The following CADPS2 variants were observed in gnomAD, a reference collection of about 807,000 sequenced individuals.
CADPS2 encodes the protein calcium dependent secretion activator 2.
CADPS2 carries 93 observed loss-of-function variants against 172.5 expected under a neutral mutation model. That is an observed-to-expected ratio of 0.54 (90% CI 0.46 to 0.64). CADPS2 has a LOEUF of 0.64. Among genes scored for constraint, CADPS2 ranks in the 30% least tolerant of loss-of-function variants. CADPS2 has a pLI of 0.00. For synonymous variants in CADPS2, 546 were observed against 555.2 expected, an observed-to-expected ratio of 0.98 and a Z score of 0.23; for missense variants, 1,420 against 1,565.9, an observed-to-expected ratio of 0.91 and a Z score of 1.57.
chr7:122,650,234 A>T (rs1588131374), intron 3 of CADPS2, among the ~76,000 whole-genome samples: 1 of 151,798 alleles, frequency 6.6e-6, no homozygotes, highest in Non-Finnish European at 1.5e-5. Flanking sequence ...AATAAATAAA[A>T]GAAAAAATAT....
intron 8 of CADPS2, among the ~76,000 whole-genome samples, chr7:122,527,627 T>A (rs929651525): frequency 0.069 from 7,766 of 112,808 alleles, 212 homozygotes; most frequent in African/African-American, 0.087. Flanking sequence ...AGTGTGTGTG[T>A]GTGTGTGTGT....
chr7:122,460,400 G>C (rs1324039927), intron 14 of CADPS2, among the ~76,000 whole-genome samples: 1 of 151,894 alleles, frequency 6.6e-6, no homozygotes, highest in African/African-American at 2.4e-5. Flanking sequence ...CTGAGCCATA[G>C]ACCTAATTTG....
chr7:122,495,925 G>T lies in CADPS2; in HGVS notation c.1543-4505C>A, dbSNP rs112705643. ...AATAGGACTAAGAATATTCTCTTCTGTTTATTAGTCACTTGGGGGTTTTGT... is the reference window on the plus strand; with the variant it reads ...AATAGGACTAAGAATATTCTCTTCTTTTTATTAGTCACTTGGGGGTTTTGT... On this transcript the variant is annotated intron_variant, in intron 9 of 29. Transcript: ENST00000449022. 6.5e-3 allele frequency among the ~76,000 whole-genome samples: 985 copies of T among 152,144 alleles called. 9 individuals carry two copies. The highest frequency in any genetic ancestry group is 0.027 in the Middle Eastern group (8 of 294).
chr7:122,827,632 C>A (rs201602983), intron 1 of CADPS2, among the ~76,000 whole-genome samples: 36 of 137,198 alleles, frequency 2.6e-4, no homozygotes, highest in Admixed American at 4.5e-4. Flanking sequence ...AATTCCATCT[C>A]AAAAAAAAAA....
chr7:122,342,336 T>A lies in CADPS2; in HGVS notation c.3612+3238A>T, dbSNP rs150884107. Among the ~76,000 whole-genome samples, 188 of 152,284 alleles carry A rather than the reference T, an allele frequency of 1.2e-3. 2 individuals carry two copies. The highest frequency in any genetic ancestry group is 4.3e-3 in the African/African-American group (180 of 41,580). On this transcript the variant is annotated intron_variant, in intron 28 of 29. Coordinates refer to ENST00000449022, the MANE Select transcript of CADPS2 (RefSeq NM_017954.11). ...CACGAATCTAGGCCAATGTCATGTT[T>A]TTGGTCTTAAGCAATAGCAGCTTAT...
chr7:122,449,356 TC>T (rs2052738112), intron 15 of CADPS2, among the ~76,000 whole-genome samples: 1 of 152,110 alleles, frequency 6.6e-6, no homozygotes, highest in South Asian at 2.1e-4. Flanking sequence ...AGTGTTGTCA[TC>T]CAAGCTGGAG....
At chr7:122,604,860 T>C (rs910528745) in intron 6 of CADPS2, among the ~76,000 whole-genome samples, 5 of 152,102 alleles carry the variant, frequency 3.3e-5, no homozygotes, top group African/African-American at 7.2e-5. Flanking sequence ...ACGATGGGAA[T>C]AGGCTCTGAG....
At chr7:122,610,515 C>A (rs1327475929) in intron 6 of CADPS2, among the ~76,000 whole-genome samples, 2 of 151,710 alleles carry the variant, frequency 1.3e-5, no homozygotes, top group African/African-American at 4.8e-5. Context: ...AATTACAGAG[C>A]CTGAAAATAG....
At chr7:122,442,494 G>A (rs1204753302) in intron 15 of CADPS2, among the ~76,000 whole-genome samples, 1 of 152,098 alleles carries the variant, frequency 6.6e-6, no homozygotes, top group Non-Finnish European at 1.5e-5. Flanking sequence ...TTGGAAAGAA[G>A]TTTATGTATC....
At chr7:122,854,047 T>C (rs539968774) in intron 1 of CADPS2, among the ~76,000 whole-genome samples, 1 of 152,300 alleles carries the variant, frequency 6.6e-6, no homozygotes, top group East Asian at 1.9e-4. Context: ...GCTGGAGCGA[T>C]GTCCTCGGAG....
chr7:122,715,451 GAC>G (rs2136885485), intron 2 of CADPS2, among the ~76,000 whole-genome samples: 1 of 152,182 alleles, frequency 6.6e-6, no homozygotes, highest in Non-Finnish European at 1.5e-5. Context: ...TTTTATAACT[GAC>G]ACAGGATTTC....
chr7:122,702,832 TGGC>T, intron 2 of CADPS2: 1 of 1,057,518 alleles, frequency 9.5e-7, no homozygotes, highest in Non-Finnish European at 1.4e-6. Flanking sequence ...GATAGCTTGT[TGGC>T]GGCAGATTAC....
intron 1 of CADPS2, among the ~76,000 whole-genome samples, chr7:122,761,994 C>T (rs1244802518): frequency 1.2e-5 from 1 of 81,094 alleles, no homozygotes; most frequent in Non-Finnish European, 2.2e-5. Context: ...GAGACTCTGC[C>T]TCAAAAAAAA....
chr7:122,679,608 C>T (rs1381833798), intron 2 of CADPS2, among the ~76,000 whole-genome samples: 1 of 152,102 alleles, frequency 6.6e-6, no homozygotes, highest in Non-Finnish European at 1.5e-5. Flanking sequence ...ACACCCTATT[C>T]GTATACTCCC....
chr7:122,790,392 G>A (rs1466461333), intron 1 of CADPS2, among the ~76,000 whole-genome samples: 2 of 131,992 alleles, frequency 1.5e-5, no homozygotes. Flanking sequence ...GCCAGACAGC[G>A]TTTCTAAAAA....
At chr7:122,538,470 A>T (rs2062569715) in intron 8 of CADPS2, among the ~76,000 whole-genome samples, 2 of 151,498 alleles carry the variant, frequency 1.3e-5, no homozygotes, top group African/African-American at 4.8e-5. Flanking sequence ...GGTATTATTT[A>T]AATTTTATTT....
intron 8 of CADPS2, among the ~76,000 whole-genome samples, chr7:122,534,205 A>G (rs985420051): frequency 1.3e-5 from 2 of 152,130 alleles, no homozygotes; most frequent in African/African-American, 4.8e-5. Flanking sequence ...TCTAAACTCT[A>G]GACAACTTTA....
chr7:122,593,794 A>T (rs1018848761), intron 6 of CADPS2, among the ~76,000 whole-genome samples: 29 of 152,020 alleles, frequency 1.9e-4, no homozygotes, highest in Non-Finnish European at 4.0e-4. Flanking sequence ...AAGAGAGAGG[A>T]AGAAAAAGAA....
chr7:122,368,253 C>G (rs1223674484), intron 25 of CADPS2: 1 of 152,364 alleles, frequency 6.6e-6, no homozygotes, highest in Non-Finnish European at 1.5e-5. Flanking sequence ...CCTGGTTACT[C>G]TAGCTGGACT....
Sources: allele counts gnomAD v4.1 joint callset (sites outside exome capture counted in the v4.1 genomes callset), GRCh38; gene constraint gnomAD v4.1.1; transcripts MANE v1.5; gene names NCBI Gene and HGNC (gene_info 2026-07-23, HGNC 2026-07-21).